RASGRP1: variants seen among roughly 807,000 people sequenced by gnomAD.
RASGRP1 encodes RAS guanyl-releasing protein 1.
A neutral mutation model predicts 95.1 loss-of-function variants in RASGRP1; 37 were observed. The observed-to-expected ratio is 0.39, with a 90% confidence interval of 0.30 to 0.51. The LOEUF (loss-of-function observed/expected upper bound fraction) is 0.51, where lower values mean the gene tolerates loss of function less well. RASGRP1 is among the 20% of genes least tolerant of loss of function. RASGRP1 has a pLI of 0.80. For synonymous variants in RASGRP1, 325 were observed against 353.4 expected, an observed-to-expected ratio of 0.92 and a Z score of 0.90; for missense variants, 711 against 965.4, an observed-to-expected ratio of 0.74 and a Z score of 3.49.
intron 11 of RASGRP1, chr15:38,502,975 C>A: frequency 2.3e-6 from 1 of 436,066 alleles, no homozygotes; most frequent in Non-Finnish European, 4.1e-6. Flanking sequence ...CCTGATTACC[C>A]CTTACTATAC....
intron 1 of RASGRP1, among the ~76,000 whole-genome samples, chr15:38,562,143 CACA>C (rs1486895648): frequency 3.3e-5 from 5 of 152,196 alleles, no homozygotes; most frequent in South Asian, 2.1e-4. Flanking sequence ...CTGCACATTT[CACA>C]ACATCAGGAT....
At chr15:38,542,753 G>A (rs967163258) in intron 2 of RASGRP1, among the ~76,000 whole-genome samples, 1 of 150,732 alleles carries the variant, frequency 6.6e-6, no homozygotes, top group Admixed American at 6.6e-5. Flanking sequence ...CCCAATAATG[G>A]CAATTCATCT....
chr15:38,563,634 C>A (rs181659694), intron 1 of RASGRP1, among the ~76,000 whole-genome samples: 3 of 152,188 alleles, frequency 2.0e-5, no homozygotes, highest in Non-Finnish European at 2.9e-5. Context: ...CTTCCCCTTA[C>A]AATACTCAAT....
At chr15:38,544,360 A>G (rs889743359) in intron 2 of RASGRP1, among the ~76,000 whole-genome samples, 1 of 152,218 alleles carries the variant, frequency 6.6e-6, no homozygotes, top group African/African-American at 2.4e-5. Context: ...CAGCCATCCC[A>G]GAATCCCTGA....
chr15:38,544,911 A>C (rs890871376), intron 2 of RASGRP1, among the ~76,000 whole-genome samples: 5 of 152,250 alleles, frequency 3.3e-5, no homozygotes, highest in Non-Finnish European at 5.9e-5. Flanking sequence ...TAGTTGCTTC[A>C]GATATTTTGT....
intron 2 of RASGRP1, among the ~76,000 whole-genome samples, chr15:38,548,305 G>A (rs908951432): frequency 6.6e-6 from 1 of 152,174 alleles, no homozygotes; most frequent in African/African-American, 2.4e-5. Context: ...GCTCATGCCT[G>A]TAATCCCAAT....
At chr15:38,516,381 C>A in intron 5 of RASGRP1, 31 bp from the exon 6 acceptor site, 1 of 1,593,164 alleles carries the variant, frequency 6.3e-7, no homozygotes, top group Non-Finnish European at 8.6e-7. Flanking sequence ...AGGGAGAAGA[C>A]AGGGAAAAGG....
intron 2 of RASGRP1, among the ~76,000 whole-genome samples, chr15:38,539,498 T>C (rs989235005): frequency 6.6e-6 from 1 of 152,014 alleles, no homozygotes; most frequent in Admixed American, 6.6e-5. Flanking sequence ...CCTGGTTATT[T>C]TATCATTATG....
At chr15:38,509,692 C>T (rs1891420697) in intron 8 of RASGRP1, among the ~76,000 whole-genome samples, 1 of 152,194 alleles carries the variant, frequency 6.6e-6, no homozygotes, top group Non-Finnish European at 1.5e-5. Context: ...AGCCACTGCA[C>T]TCCAGCCTGG....
intron 2 of RASGRP1, among the ~76,000 whole-genome samples, chr15:38,547,983 T>TC (rs1566935703): frequency 6.6e-6 from 1 of 151,914 alleles, no homozygotes; most frequent in Non-Finnish European, 1.5e-5. Context: ...GGTTTTTTTT[T>TC]TTTTTTTGGT....
rs553776070 is a variant in RASGRP1, at chr15:38,541,287, A to G, written c.221-14883T>C. Among the ~76,000 whole-genome samples the G allele has an allele frequency of 2.6e-5, 4 of 152,298 alleles. No homozygotes were observed. In the South Asian group the frequency reaches 8.3e-4, roughly 32 times the overall value. On this transcript the variant is annotated intron_variant, in intron 2 of 16. Coordinates refer to ENST00000310803, the MANE Select transcript of RASGRP1 (RefSeq NM_005739.4). Reference sequence around the variant, plus strand: ...CCAGCGGGCGTCTAAATGAAGGGACATGTGCCATGCTGGTTAAATATTTTG... The same window carrying G: ...CCAGCGGGCGTCTAAATGAAGGGACGTGTGCCATGCTGGTTAAATATTTTG...
chr15:38,547,102 A>G (rs530058045), intron 2 of RASGRP1, among the ~76,000 whole-genome samples: 2 of 152,364 alleles, frequency 1.3e-5, no homozygotes, highest in South Asian at 2.1e-4. Flanking sequence ...ACATCCTTCA[A>G]TACTCATATC....
intron 2 of RASGRP1, among the ~76,000 whole-genome samples, chr15:38,547,359 A>C (rs1255273366): frequency 2.0e-5 from 3 of 152,144 alleles, no homozygotes; most frequent in African/African-American, 7.2e-5. Flanking sequence ...AATGTGCTGC[A>C]AACTTAACAC....
Position 38,488,644 on chromosome 15 carries a change from CTG to C in RASGRP1, c.*1908_*1909del, listed in dbSNP as rs1566903966. The C allele has an allele frequency of 6.6e-6, 1 of 151,846 alleles. No individual in the cohort carries two copies. The highest frequency in any genetic ancestry group is 1.5e-5 in the Non-Finnish European group (1 of 67,844). The allele number at this position is 151,846 out of a possible 1,614,324, so 9.4% of individuals were successfully genotyped here. On this transcript the variant is annotated 3_prime_UTR_variant, in exon 17 of 17. Coordinates refer to ENST00000310803, the MANE Select transcript of RASGRP1 (RefSeq NM_005739.4). ...TATAGATTATTTATATAAAAACTAA[CTG>C]GGGATCTTTACTTCGAATGGAGAGG... is the stretch of plus-strand genomic sequence containing the variant.
intron 3 of RASGRP1, among the ~76,000 whole-genome samples, chr15:38,525,469 G>A (rs1208022738): frequency 3.9e-5 from 6 of 152,164 alleles, no homozygotes; most frequent in Admixed American, 3.9e-4. Flanking sequence ...TTCTCGCAAT[G>A]CTCCCCCACT....
chr15:38,528,331 T>C (rs1326368649), intron 2 of RASGRP1, among the ~76,000 whole-genome samples: 3 of 152,204 alleles, frequency 2.0e-5, no homozygotes, highest in Admixed American at 6.5e-5. Context: ...CTCACTGTTA[T>C]CAGTTTCTTT....
intron 11 of RASGRP1, among the ~76,000 whole-genome samples, chr15:38,502,622 G>T (rs537397592): frequency 7.2e-5 from 11 of 152,242 alleles, no homozygotes; most frequent in African/African-American, 2.6e-4. Context: ...GCATGTGGGG[G>T]GTGGCCATGT....
chr15:38,526,027 T>G (rs148442175), intron 3 of RASGRP1, among the ~76,000 whole-genome samples: 2 of 152,228 alleles, frequency 1.3e-5, no homozygotes, highest in Admixed American at 1.3e-4. Context: ...AGAAAAAATA[T>G]TTTTTACTAT....
At chr15:38,510,211 G>A (rs1891447744) in intron 8 of RASGRP1, among the ~76,000 whole-genome samples, 1 of 152,228 alleles carries the variant, frequency 6.6e-6, no homozygotes, top group Non-Finnish European at 1.5e-5. Context: ...GGGACCCCAA[G>A]CTGAAGAGGA....
Sources: allele counts gnomAD v4.1 joint callset (sites outside exome capture counted in the v4.1 genomes callset), GRCh38; gene constraint gnomAD v4.1.1; transcripts MANE v1.5; gene names NCBI Gene and HGNC (gene_info 2026-07-23, HGNC 2026-07-21).